BMERB1: variants seen among roughly 807,000 people sequenced by gnomAD.
BMERB1 encodes the protein bMERB domain containing 1.
Under a neutral mutation model 23.6 loss-of-function variants are expected in BMERB1, and 12 were observed. The observed-to-expected ratio is 0.51, with a 90% CI of 0.33 to 0.82. The LOEUF (loss-of-function observed/expected upper bound fraction) is 0.82. BMERB1 is among the 40% of genes least tolerant of loss of function. The pLI, the probability that BMERB1 is intolerant of heterozygous loss-of-function variation, is 0.03. For missense variants in BMERB1, 247 were observed against 255.4 expected (o/e 0.97, Z 0.22); for synonymous variants, 122 against 96.6 (o/e 1.26, Z -1.54).
chr16:15,501,719 C>T (rs940891390), intron 1 of BMERB1, among the ~76,000 whole-genome samples: 5 of 152,146 alleles, frequency 3.3e-5, no homozygotes, highest in East Asian at 1.9e-4. Context: ...GGTGATCCAC[C>T]GCCTCGGACT....
chr16:15,461,368 A>G (rs1567455165), intron 1 of BMERB1, among the ~76,000 whole-genome samples: 1 of 152,102 alleles, frequency 6.6e-6, no homozygotes, highest in Admixed American at 6.6e-5. Flanking sequence ...TCAATAAAAC[A>G]TACTTTGCGT....
In BMERB1 at chr16:15,586,552, T is replaced by C. The variant is rs147020213; in HGVS notation, c.503-165T>C. Among the ~76,000 whole-genome samples, 152 of 152,280 alleles carry C rather than the reference T, an allele frequency of 1.0e-3. 1 individual carries two copies. The South Asian group carries it at 0.016, about 16-fold the overall frequency. Reference sequence around the variant, plus strand: ...TAAAATGAGGACCAGCTGAGGATCATATGAAATGTGCATCAGCTCTCCATA... The same window carrying C: ...TAAAATGAGGACCAGCTGAGGATCACATGAAATGTGCATCAGCTCTCCATA... On this transcript the variant is annotated intron_variant, in intron 5 of 5. Transcript: ENST00000300006.
At chr16:15,537,273 A>T (rs760277082) in intron 2 of BMERB1, among the ~76,000 whole-genome samples, 22 of 152,134 alleles carry the variant, frequency 1.4e-4, no homozygotes, top group Non-Finnish European at 2.8e-4. Flanking sequence ...AAACCAACAC[A>T]GGGTCTCCTT....
At chr16:15,578,561 G>T (rs1248924603) in intron 3 of BMERB1, among the ~76,000 whole-genome samples, 1 of 152,096 alleles carries the variant, frequency 6.6e-6, no homozygotes, top group Non-Finnish European at 1.5e-5. Context: ...GAACTTTGGG[G>T]GTGCCTTAGT....
At chr16:15,438,243 C>T (rs1454002758) in intron 1 of BMERB1, among the ~76,000 whole-genome samples, 3 of 151,322 alleles carry the variant, frequency 2.0e-5, no homozygotes, top group African/African-American at 4.9e-5. Flanking sequence ...CCTGCCACCA[C>T]GCTCAACTAA....
At chr16:15,574,053 G>A (rs1335203403) in intron 3 of BMERB1, among the ~76,000 whole-genome samples, 3 of 149,642 alleles carry the variant, frequency 2.0e-5, no homozygotes, top group Admixed American at 6.7e-5. Flanking sequence ...GGGTATAAAG[G>A]AAAGAGGTTT....
chr16:15,465,369 T>TC (rs2051172488), intron 1 of BMERB1, among the ~76,000 whole-genome samples: 1 of 151,456 alleles, frequency 6.6e-6, no homozygotes, highest in Non-Finnish European at 1.5e-5. Context: ...TTTTTTTTTT[T>TC]TGAGACTGGG....
intron 3 of BMERB1, among the ~76,000 whole-genome samples, chr16:15,569,993 T>C (rs959604512): frequency 6.6e-6 from 1 of 152,226 alleles, no homozygotes; most frequent in Non-Finnish European, 1.5e-5. Context: ...TAGCATGGCC[T>C]AAACCTGGGA....
chr16:15,441,210 G>A (rs989836043), intron 1 of BMERB1, among the ~76,000 whole-genome samples: 1 of 152,086 alleles, frequency 6.6e-6, no homozygotes, highest in African/African-American at 2.4e-5. Context: ...AACATGAACT[G>A]TTATGTTTTT....
intron 1 of BMERB1, among the ~76,000 whole-genome samples, chr16:15,454,812 G>C (rs975397537): frequency 5.3e-5 from 8 of 150,698 alleles, no homozygotes; most frequent in Non-Finnish European, 1.2e-4. Flanking sequence ...AAAGATTGCT[G>C]TTCTATTTAT....
At chr16:15,513,769 T>G (rs2051706200) in intron 1 of BMERB1, among the ~76,000 whole-genome samples, 1 of 151,978 alleles carries the variant, frequency 6.6e-6, no homozygotes, top group Non-Finnish European at 1.5e-5. Context: ...TGGCATAAAC[T>G]TGTTATCCCA....
chr16:15,548,376 T>G (rs1178280265), intron 2 of BMERB1, among the ~76,000 whole-genome samples: 1 of 152,198 alleles, frequency 6.6e-6, no homozygotes, highest in African/African-American at 2.4e-5. Flanking sequence ...ACTCAGCTTC[T>G]CTTCTAAGTA....
Position 15,561,752 on chromosome 16 carries a change from G to A in BMERB1, c.231-6231G>A, listed in dbSNP as rs151254546. On this transcript the variant is annotated intron_variant, in intron 2 of 5. Transcript: ENST00000300006. ...TACAAAAAATTTAAAAATTAGCTGA[G>A]TGTAGGGGCATATGCCTAAAGTCCT... Among the ~76,000 whole-genome samples the A allele has an allele frequency of 9.1e-4, 138 of 152,276 alleles. 2 individuals are homozygous for A. Among genetic ancestry groups the A allele is most frequent in the African/African-American group, 3.2e-3 (131 of 41,578 alleles).
At chr16:15,469,581 ACTGATAT>A (rs879325715) in intron 1 of BMERB1, among the ~76,000 whole-genome samples, 10 of 152,198 alleles carry the variant, frequency 6.6e-5, no homozygotes, top group Non-Finnish European at 1.3e-4. Flanking sequence ...TTTGAGTGTA[ACTGATAT>A]CTTTACTATG....
chr16:15,578,299 A>C (rs890067000), intron 3 of BMERB1, among the ~76,000 whole-genome samples: 2 of 151,134 alleles, frequency 1.3e-5, no homozygotes, highest in African/African-American at 4.9e-5. Context: ...CCCAGGCTTA[A>C]GTGATCCTCC....
At chr16:15,457,407 T>A (rs1307126151) in intron 1 of BMERB1, among the ~76,000 whole-genome samples, 3 of 152,230 alleles carry the variant, frequency 2.0e-5, no homozygotes, top group Non-Finnish European at 4.4e-5. Context: ...CACGTCTGAC[T>A]CTTGCCTCCA....
chr16:15,444,087 G>A (rs896112046), intron 1 of BMERB1, among the ~76,000 whole-genome samples: 3 of 135,946 alleles, frequency 2.2e-5, no homozygotes, highest in East Asian at 4.9e-4. Flanking sequence ...GCACAGAGGT[G>A]AATATTCCAA....
In BMERB1 at chr16:15,587,126, TTC is replaced by T. The variant is rs1356264402; in HGVS notation, c.*303_*304del. The T allele has an allele frequency of 7.6e-6, 3 of 396,366 alleles. No homozygotes were observed. The highest frequency in any genetic ancestry group is 1.4e-5 in the Non-Finnish European group (3 of 217,914). The allele number at this position is 396,366 out of a possible 1,614,324, so 24.6% of individuals were successfully genotyped here. A position where few individuals can be genotyped will look rare whatever the true frequency, so the allele number is the denominator to read the frequency against. ...CTCCCTCAAAAAAGCATATCTCCACTTCTCTCTAGCTGTATCTAACCCACCGT... is the reference window on the plus strand; with the variant it reads ...CTCCCTCAAAAAAGCATATCTCCACTTCTCTAGCTGTATCTAACCCACCGT... On this transcript the variant is annotated 3_prime_UTR_variant, in exon 6 of 6. Coordinates refer to ENST00000300006, the MANE Select transcript of BMERB1 (RefSeq NM_033201.3).
intron 1 of BMERB1, among the ~76,000 whole-genome samples, chr16:15,442,211 A>G (rs976775166): frequency 6.6e-6 from 1 of 151,984 alleles, no homozygotes; most frequent in Non-Finnish European, 1.5e-5. Flanking sequence ...CATGCCTGTA[A>G]TCCTAGCTAC....
Sources: allele counts gnomAD v4.1 joint callset (sites outside exome capture counted in the v4.1 genomes callset), GRCh38; gene constraint gnomAD v4.1.1; transcripts MANE v1.5; gene names NCBI Gene and HGNC (gene_info 2026-07-23, HGNC 2026-07-21).